Variants in CRTAP observed in about 807,000 individuals in gnomAD.
The protein encoded by CRTAP is cartilage-associated protein.
In CRTAP, 33 loss-of-function variants were observed where a neutral mutation model predicts 42.7. That is an observed-to-expected ratio of 0.77 (90% confidence interval 0.59 to 1.03). CRTAP has a LOEUF of 1.03. CRTAP is among the 50% of genes least tolerant of loss of function. CRTAP has a pLI of 0.00. For missense variants in CRTAP, 613 were observed against 533.9 expected, an observed-to-expected ratio of 1.15 and a Z score of -1.46; for synonymous variants, 243 against 217.7, an observed-to-expected ratio of 1.12 and a Z score of -1.02.
At chr3:33,116,972 TG>T (rs1426192328) in intron 1 of CRTAP, among the ~76,000 whole-genome samples, 1 of 152,200 alleles carries the variant, frequency 6.6e-6, no homozygotes, top group East Asian at 1.9e-4. Flanking sequence ...CCGGGTGTGG[TG>T]GCGTGCCTTT....
intron 6 of CRTAP, 61 bp downstream of exon 6, chr3:33,134,326 C>T: frequency 9.0e-7 from 1 of 1,109,642 alleles, no homozygotes; most frequent in Non-Finnish European, 1.4e-6. Flanking sequence ...CACATCTTTG[C>T]TAGAATCACT....
Position 33,144,665 on chromosome 3 carries a change from C to T in CRTAP, c.*2217C>T. The T allele has an allele frequency of 6.6e-6, 1 of 152,370 alleles. No homozygotes were observed. The highest frequency in any genetic ancestry group is 1.5e-5 in the Non-Finnish European group (1 of 68,112). The allele number at this position is 152,370 out of a possible 1,614,324, so 9.4% of individuals were successfully genotyped here. ...AGGGATCTGGCAGGGCACCACAGCG[C>T]CCCCTACTGAACCATCAGCATGTCA... On this transcript the variant is annotated 3_prime_UTR_variant, in exon 7 of 7. Coordinates refer to ENST00000320954, the MANE Select transcript of CRTAP (RefSeq NM_006371.5).
chr3:33,120,722 T>A (rs2125598810), intron 2 of CRTAP, among the ~76,000 whole-genome samples: 1 of 152,350 alleles, frequency 6.6e-6, no homozygotes, highest in South Asian at 2.1e-4. Flanking sequence ...ATGCTACATT[T>A]TAGAAATATG....
intron 3 of CRTAP, among the ~76,000 whole-genome samples, chr3:33,127,861 C>T (rs1186124498): frequency 6.6e-6 from 1 of 152,170 alleles, no homozygotes; most frequent in Non-Finnish European, 1.5e-5. Flanking sequence ...ATTCTCCTGC[C>T]TCAGCCTCCT....
intron 1 of CRTAP, 33 bp downstream of exon 1, chr3:33,114,581 C>T: frequency 1.3e-6 from 2 of 1,547,500 alleles, no homozygotes; most frequent in Non-Finnish European, 8.7e-7. Context: ...CAGGCCCCGG[C>T]CCCGCCCCTG....
chr3:33,133,712 A>T (rs1373768650), intron 5 of CRTAP, among the ~76,000 whole-genome samples: 1 of 152,190 alleles, frequency 6.6e-6, no homozygotes, highest in African/African-American at 2.4e-5. Context: ...TCCATGTCAC[A>T]TCCATGTATC....
At position 33,114,197 on chromosome 3, in the gene CRTAP, G is replaced by A; in HGVS notation, c.120G>A (p.Glu40=). The A allele has an allele frequency of 1.3e-6, 2 of 1,594,274 alleles. No homozygotes were observed. The highest frequency in any genetic ancestry group is 1.7e-6 in the Non-Finnish European group (2 of 1,176,586). The change falls in exon 1 of 7, where the codon GAG becomes GAA. Residue 40 remains glutamate, a synonymous_variant. Transcript: ENST00000320954. ...RYSFRSFPRD[E]LMPLESAYRH... The stretch of plus-strand genomic sequence containing the variant: ...GCTTCCGCAGCTTCCCACGGGACGA[G>A]CTGATGCCGCTCGAGTCGGCCTACC...
chr3:33,118,914 C>T (rs1418539884), intron 1 of CRTAP, among the ~76,000 whole-genome samples: 4 of 152,204 alleles, frequency 2.6e-5, no homozygotes, highest in African/African-American at 9.7e-5. Context: ...CTCCGGGGCC[C>T]GCAGCCCTGC....
intron 3 of CRTAP, among the ~76,000 whole-genome samples, chr3:33,124,817 G>A (rs1370646918): frequency 1.3e-5 from 2 of 152,182 alleles, no homozygotes; most frequent in Admixed American, 1.3e-4. Context: ...GTAGAATTCT[G>A]TGTCTGCCCT....
At chr3:33,142,251 C>A in intron 6 of CRTAP, 144 bp from the exon 7 acceptor site, 1 of 738,080 alleles carries the variant, frequency 1.4e-6, no homozygotes, top group Non-Finnish European at 2.4e-6. Context: ...GAAATCAGGT[C>A]CTCTGGGCCC....
intron 3 of CRTAP, among the ~76,000 whole-genome samples, chr3:33,129,080 T>A (rs1490777825): frequency 6.6e-6 from 1 of 152,258 alleles, no homozygotes. Context: ...GGCATTTAGG[T>A]ACTTACAAGT....
rs1166756541 is a variant in CRTAP, at chr3:33,145,014, T to C, written c.*2566T>C. The C allele has an allele frequency of 6.6e-6, 1 of 152,240 alleles. No homozygotes were observed. The highest frequency in any genetic ancestry group is 2.4e-5 in the African/African-American group (1 of 41,430). 9.4% of individuals were successfully genotyped at this position (152,240 alleles called of 1,614,324 possible). A position where few individuals can be genotyped will look rare whatever the true frequency, so the allele number is the denominator to read the frequency against. ...TTTCCTGCAATAGCCTGGGAAGGAA[T>C]AAAAGGATAGAGTGTTTGGGTTTTT... On this transcript the variant is annotated 3_prime_UTR_variant, in exon 7 of 7. Coordinates refer to ENST00000320954, the MANE Select transcript of CRTAP (RefSeq NM_006371.5). The surrounding 1 kb of genome is among the most constrained non-coding windows in gnomAD (Gnocchi z 4.3).
At chr3:33,140,469 A>G (rs2030542367) in intron 6 of CRTAP, among the ~76,000 whole-genome samples, 1 of 152,212 alleles carries the variant, frequency 6.6e-6, no homozygotes, top group African/African-American at 2.4e-5. Context: ...TGAAAATATA[A>G]CCAAAATCAT....
rs1427096093 is a variant in CRTAP at position 33,147,474 on chromosome 3, C to A, written c.*5026C>A. 3 of 152,488 alleles carry A rather than the reference C, an allele frequency of 2.0e-5. No individual in the cohort carries two copies. The highest frequency in any genetic ancestry group is 4.4e-5 in the Non-Finnish European group (3 of 68,060). The allele number at this position is 152,488 out of a possible 1,614,324, so 9.4% of individuals were successfully genotyped here. On this transcript the variant is annotated 3_prime_UTR_variant, in exon 7 of 7. Transcript: ENST00000320954. Reference sequence around the variant, plus strand: ...TGTTGAATGAATGAGTGAGTTGGCTCTATATCCCCTTGGAGCTGGCCGGTA... The same window carrying A: ...TGTTGAATGAATGAGTGAGTTGGCTATATATCCCCTTGGAGCTGGCCGGTA...
chr3:33,138,088 C>A (rs1180259202), intron 6 of CRTAP, among the ~76,000 whole-genome samples: 1 of 151,740 alleles, frequency 6.6e-6, no homozygotes, highest in Admixed American at 6.6e-5. Flanking sequence ...ACACTGTCTT[C>A]ATTAATATAG....
chr3:33,121,311 C>T (rs1222261736), intron 2 of CRTAP, among the ~76,000 whole-genome samples: 1 of 152,046 alleles, frequency 6.6e-6, no homozygotes, highest in Non-Finnish European at 1.5e-5. Flanking sequence ...ACTCGAGAGG[C>T]TGAGGCAGGA....
chr3:33,139,321 T>C (rs568165475), intron 6 of CRTAP, among the ~76,000 whole-genome samples: 3 of 151,618 alleles, frequency 2.0e-5, no homozygotes, highest in Non-Finnish European at 2.9e-5. Flanking sequence ...AAAAAAGAAG[T>C]GGAGAGAGTG....
chr3:33,117,290 A>G (rs1171823550), intron 1 of CRTAP, among the ~76,000 whole-genome samples: 1 of 152,184 alleles, frequency 6.6e-6, no homozygotes. Context: ...TCTCTGTTTC[A>G]GTGATTAAGG....
chr3:33,124,924 A>T (rs1359138047), intron 3 of CRTAP, among the ~76,000 whole-genome samples: 1 of 152,224 alleles, frequency 6.6e-6, no homozygotes, highest in Non-Finnish European at 1.5e-5. Flanking sequence ...TGATGATGGC[A>T]ATTTTCCAAC....
Sources: gnomAD v4.1 joint callset for allele counts (sites outside exome capture counted in the v4.1 genomes callset) on GRCh38, gnomAD v4.1.1 for gene constraint, Gnocchi (gnomAD v3.1) non-coding constraint, MANE v1.5 for transcripts, NCBI Gene and HGNC (gene_info 2026-07-23, HGNC 2026-07-21) for gene names.